The following PARD3B variants were observed in gnomAD, a reference collection of about 807,000 sequenced individuals.
The protein encoded by PARD3B is partitioning defective 3 homolog B.
In PARD3B, 103 loss-of-function variants were observed where a neutral mutation model predicts 130.2. The observed-to-expected ratio is 0.79, with a 90% CI of 0.67 to 0.93. The LOEUF is 0.93. Ranked by LOEUF, PARD3B falls within the 40% of genes least tolerant of loss-of-function variation. The pLI, the probability that PARD3B is intolerant of heterozygous loss-of-function variation, is 0.00. For synonymous variants in PARD3B, 583 were observed against 553.2 expected (o/e 1.05, Z -0.76); for missense variants, 1,609 against 1,499.2 (o/e 1.07, Z -1.21).
intron 2 of PARD3B, among the ~76,000 whole-genome samples, chr2:204,776,875 G>A (rs1243531996): frequency 2.6e-5 from 4 of 151,778 alleles, no homozygotes; most frequent in African/African-American, 7.3e-5. Flanking sequence ...CCCAGAGACC[G>A]CAAGGAGAGG....
intron 1 of PARD3B, among the ~76,000 whole-genome samples, chr2:204,655,831 C>G (rs565642118): frequency 1.3e-5 from 2 of 152,222 alleles, no homozygotes; most frequent in East Asian, 3.9e-4. Flanking sequence ...CTGTGCTATT[C>G]TTCCAGTTTT....
chr2:204,549,142 G>A (rs567297394), intron 1 of PARD3B, among the ~76,000 whole-genome samples: 1 of 152,286 alleles, frequency 6.6e-6, no homozygotes, highest in African/African-American at 2.4e-5. Flanking sequence ...AGGTTGATGC[G>A]ATCCTGAAGA....
At chr2:205,155,975 C>T (rs61598676) in intron 10 of PARD3B, among the ~76,000 whole-genome samples, 6,281 of 151,814 alleles carry the variant, frequency 0.041, 274 homozygotes, top group African/African-American at 0.11. Flanking sequence ...ATGTTTATTG[C>T]GGCACTATTC....
chr2:204,617,188 G>T (rs945434975), intron 1 of PARD3B, among the ~76,000 whole-genome samples: 1 of 152,064 alleles, frequency 6.6e-6, no homozygotes, highest in African/African-American at 2.4e-5. Context: ...TAAGTCTGGG[G>T]TAAATTTATA....
At chr2:204,892,931 T>A (rs568843506) in intron 2 of PARD3B, among the ~76,000 whole-genome samples, 1 of 152,310 alleles carries the variant, frequency 6.6e-6, no homozygotes, top group Admixed American at 6.5e-5. Flanking sequence ...GATTTGACAG[T>A]TATAAAAGAC....
chr2:205,226,401 T>A lies in PARD3B; in HGVS notation c.2141-19377T>A, dbSNP rs998068512. 2.6e-5 allele frequency among the ~76,000 whole-genome samples: 4 copies of A among 152,330 alleles called. No individual in the cohort carries two copies. The East Asian group carries it at 5.8e-4, about 22-fold the overall frequency. The stretch of plus-strand genomic sequence containing the variant: ...CATGTTTGCAGTTGGTTGCTTGTAC[T>A]TGTGGAGTATTACTCAAGAAATCGT... On this transcript the variant is annotated intron_variant, in intron 15 of 22. Transcript: ENST00000406610.
intron 22 of PARD3B, among the ~76,000 whole-genome samples, chr2:205,602,123 A>G (rs1575461232): frequency 6.6e-6 from 1 of 152,212 alleles, no homozygotes; most frequent in African/African-American, 2.4e-5. Flanking sequence ...TTCTGCATCT[A>G]TTGAGATAAT....
intron 4 of PARD3B, among the ~76,000 whole-genome samples, chr2:205,062,845 T>C (rs187833301): frequency 8.8e-4 from 134 of 152,288 alleles, no homozygotes; most frequent in Admixed American, 3.5e-3. Context: ...ATCTTATATC[T>C]ATGTCTGTAT....
At chr2:204,749,341 G>C (rs1004834360) in intron 2 of PARD3B, among the ~76,000 whole-genome samples, 7 of 152,038 alleles carry the variant, frequency 4.6e-5, no homozygotes, top group Admixed American at 1.3e-4. Context: ...AATAATTTTG[G>C]TGTATTGTAA....
At chr2:204,930,426 C>T (rs1687948040) in intron 2 of PARD3B, among the ~76,000 whole-genome samples, 1 of 151,904 alleles carries the variant, frequency 6.6e-6, no homozygotes, top group Non-Finnish European at 1.5e-5. Context: ...AGTTGTAATA[C>T]TCTATTGTTT....
intron 2 of PARD3B, among the ~76,000 whole-genome samples, chr2:204,963,010 C>A (rs528551209): frequency 6.6e-6 from 1 of 152,210 alleles, no homozygotes; most frequent in Non-Finnish European, 1.5e-5. Context: ...TAGGGTATAA[C>A]ACGCTAATGG....
At chr2:205,077,119 A>C (rs1338559242) in intron 4 of PARD3B, among the ~76,000 whole-genome samples, 1 of 152,142 alleles carries the variant, frequency 6.6e-6, no homozygotes, top group East Asian at 1.9e-4. Flanking sequence ...TATAGATATA[A>C]ACAAATATAT....
Position 205,121,827 on chromosome 2 carries a change from A to G in PARD3B, c.1043A>G (p.Gln348Arg). ...GAAACAGATGCATCAGCTTCCCTGC[A>G]ACAAAACAAGAGTCCCCGAGTACCA... ...SPETDASASL[Q>R]QNKSPRVPRL... The change falls in exon 8 of 23, where the codon CAA (glutamine) becomes CGA (arginine). Residue 348 changes from glutamine to arginine, a missense_variant. Coordinates refer to ENST00000406610, the MANE Select transcript of PARD3B (RefSeq NM_001302769.2). This position sits in a 1 kb window ranked among gnomAD's most constrained non-coding sequence, Gnocchi z 5.0. The G allele has an allele frequency of 6.2e-7, 1 of 1,614,160 alleles. No individual in the cohort carries two copies. The highest frequency in any genetic ancestry group is 8.5e-7 in the Non-Finnish European group (1 of 1,180,032).
chr2:204,686,430 G>GT, intron 2 of PARD3B, 148 bp downstream of exon 2: 2 of 631,354 alleles, frequency 3.2e-6, no homozygotes, highest in Non-Finnish European at 5.5e-6. Flanking sequence ...ATAAATCAAA[G>GT]TTCTTCATCA....
At chr2:204,935,748 G>C (rs1688404428) in intron 2 of PARD3B, among the ~76,000 whole-genome samples, 1 of 151,980 alleles carries the variant, frequency 6.6e-6, no homozygotes. Context: ...AAACCATTAG[G>C]CTCATAATAA....
At chr2:205,358,145 C>T (rs2044262476) in intron 18 of PARD3B, among the ~76,000 whole-genome samples, 1 of 151,176 alleles carries the variant, frequency 6.6e-6, no homozygotes, top group East Asian at 2.0e-4. Flanking sequence ...TCTATGTATT[C>T]ATCCAGCAAC....
intron 2 of PARD3B, among the ~76,000 whole-genome samples, chr2:204,791,036 C>T (rs1177170891): frequency 6.6e-6 from 1 of 151,882 alleles, no homozygotes; most frequent in Admixed American, 6.6e-5. Context: ...ACCCGGGAAG[C>T]AGAGGTTGCT....
In PARD3B at chr2:205,570,031, C is replaced by G. The variant is rs548515940; in HGVS notation, c.3260+16628C>G. Among the ~76,000 whole-genome samples the G allele has an allele frequency of 2.4e-4, 36 of 152,158 alleles. 1 individual carries two copies. The highest frequency in any genetic ancestry group is 8.7e-4 in the African/African-American group (36 of 41,512). The stretch of plus-strand genomic sequence containing the variant: ...AACCATGTATAACATTGGGAGTTGC[C>G]TTTTAATTTCTATGATAAAAAGATG... On this transcript the variant is annotated intron_variant, in intron 22 of 22. Coordinates refer to ENST00000406610, the MANE Select transcript of PARD3B (RefSeq NM_001302769.2).
At chr2:204,688,079 C>CT (rs1239839622) in intron 2 of PARD3B, among the ~76,000 whole-genome samples, 6 of 152,108 alleles carry the variant, frequency 3.9e-5, no homozygotes, top group African/African-American at 1.4e-4. Context: ...TAATGGGACT[C>CT]TACCACCATT....
Sources: allele counts gnomAD v4.1 joint callset (sites outside exome capture counted in the v4.1 genomes callset), GRCh38; gene constraint gnomAD v4.1.1; non-coding constraint Gnocchi (gnomAD v3.1); transcripts MANE v1.5; gene names NCBI Gene and HGNC (gene_info 2026-07-23, HGNC 2026-07-21).